ACAP2: variants seen among roughly 807,000 people sequenced by gnomAD.
ACAP2 encodes the protein arf-GAP with coiled-coil, ANK repeat and PH domain-containing protein 2.
In ACAP2, 39 loss-of-function variants were observed where a neutral mutation model predicts 115.8. The ratio of observed to expected loss-of-function variants is 0.34; its 90% CI spans 0.26 to 0.44. The LOEUF (loss-of-function observed/expected upper bound fraction) is 0.44, where lower values mean the gene tolerates loss of function less well. ACAP2 is among the 20% of genes least tolerant of loss of function. The probability of loss-of-function intolerance (pLI) is 1.00; values close to 1 mark genes in which losing one functional copy is unlikely to be tolerated. For synonymous variants in ACAP2, 289 were observed against 315.8 expected (o/e 0.92, Z 0.90); for missense variants, 662 against 927.6 (o/e 0.71, Z 3.72).
chr3:195,434,377 C>T (rs1023119101), intron 1 of ACAP2, among the ~76,000 whole-genome samples: 13 of 152,130 alleles, frequency 8.5e-5, no homozygotes, highest in Non-Finnish European at 1.5e-4. Context: ...GAACCACAGA[C>T]GCATGCTATC....
chr3:195,299,943 C>A (rs930365631), intron 15 of ACAP2, among the ~76,000 whole-genome samples: 4 of 148,148 alleles, frequency 2.7e-5, no homozygotes, highest in African/African-American at 1.0e-4. Context: ...GAAAAATATT[C>A]TTATAAAAAT....
intron 4 of ACAP2, among the ~76,000 whole-genome samples, chr3:195,362,499 C>T (rs1732439368): frequency 6.6e-6 from 1 of 151,846 alleles, no homozygotes; most frequent in South Asian, 2.1e-4. Context: ...ACCTTGATAC[C>T]AAAATCAGAC....
chr3:195,287,969 C>T lies in ACAP2; in HGVS notation c.2174+1152G>A, dbSNP rs1485588663. On this transcript the variant is annotated intron_variant, in intron 21 of 22. Transcript: ENST00000326793. ...ATACAAAATTAGCCAGGCGTGGTGG[C>T]GCATGTGTGTAATCCCAGCTACTCA... 5.9e-5 allele frequency among the ~76,000 whole-genome samples: 9 copies of T among 151,908 alleles called. No individual in the cohort carries two copies. In the East Asian group the frequency reaches 7.7e-4, roughly 13 times the overall value.
chr3:195,409,118 G>A (rs1713039393), intron 1 of ACAP2, among the ~76,000 whole-genome samples: 1 of 151,122 alleles, frequency 6.6e-6, no homozygotes, highest in South Asian at 2.1e-4. Flanking sequence ...AAAAAAAAAG[G>A]AATCAAATTG....
chr3:195,404,045 TAAG>T (rs1712533565), intron 1 of ACAP2, among the ~76,000 whole-genome samples: 1 of 152,096 alleles, frequency 6.6e-6, no homozygotes, highest in African/African-American at 2.4e-5. Flanking sequence ...ACTGATGACA[TAAG>T]AAGAAAACCA....
intron 2 of ACAP2, among the ~76,000 whole-genome samples, chr3:195,384,729 A>G (rs1734178639): frequency 6.6e-6 from 1 of 152,144 alleles, no homozygotes; most frequent in South Asian, 2.1e-4. Context: ...TGTCTCAAAA[A>G]AAAAAGAAAA....
At chr3:195,324,017 G>A (rs1729614924) in intron 9 of ACAP2, among the ~76,000 whole-genome samples, 1 of 151,946 alleles carries the variant, frequency 6.6e-6, no homozygotes, top group Non-Finnish European at 1.5e-5. Flanking sequence ...AATATTTCAT[G>A]TACCCCATAA....
intron 4 of ACAP2, 36 bp downstream of exon 4, chr3:195,380,973 A>G (rs749634811): frequency 6.6e-7 from 1 of 1,517,652 alleles, no homozygotes. Context: ...TAAAATGTTA[A>G]TATGGTCATA....
chr3:195,313,629 A>C (rs947879149), intron 10 of ACAP2, among the ~76,000 whole-genome samples: 4 of 152,224 alleles, frequency 2.6e-5, no homozygotes, highest in African/African-American at 9.6e-5. Flanking sequence ...AAACATTTAC[A>C]TCTATACCAG....
intron 13 of ACAP2, among the ~76,000 whole-genome samples, chr3:195,303,310 G>A (rs1312018263): frequency 1.3e-5 from 2 of 152,082 alleles, no homozygotes; most frequent in African/African-American, 2.4e-5. Context: ...TCAGAAGGCT[G>A]AGGCATGAGA....
At chr3:195,422,732 C>T (rs1489336443) in intron 1 of ACAP2, among the ~76,000 whole-genome samples, 1 of 152,102 alleles carries the variant, frequency 6.6e-6, no homozygotes, top group Non-Finnish European at 1.5e-5. Flanking sequence ...CTGAACATGT[C>T]ACATCTCTTT....
In ACAP2 at chr3:195,419,820, C is replaced by T. The variant is rs777019757; in HGVS notation, c.53+22975G>A. On this transcript the variant is annotated intron_variant, in intron 1 of 22. Transcript: ENST00000326793. ...CCCTTGATTTTAAATAACACCTTCACCATTCTCTAAAGTCTTACATACATC... is the reference window on the plus strand; with the variant it reads ...CCCTTGATTTTAAATAACACCTTCATCATTCTCTAAAGTCTTACATACATC... Among the ~76,000 whole-genome samples, 63 of 152,136 alleles carry T rather than the reference C, an allele frequency of 4.1e-4. 2 individuals carry two copies. The highest frequency in any genetic ancestry group is 6.2e-4 in the South Asian group (3 of 4,828).
chr3:195,388,193 A>G (rs1443675018), intron 2 of ACAP2, among the ~76,000 whole-genome samples: 3 of 152,220 alleles, frequency 2.0e-5, no homozygotes, highest in African/African-American at 7.2e-5. Flanking sequence ...CAAAATTACA[A>G]TACTATAACA....
intron 4 of ACAP2, chr3:195,355,993 A>T: frequency 2.4e-6 from 1 of 414,066 alleles, no homozygotes. Context: ...TCCCTGCAGG[A>T]ACACCAAATC....
intron 4 of ACAP2, among the ~76,000 whole-genome samples, chr3:195,354,591 T>C (rs1731831373): frequency 6.6e-6 from 1 of 152,226 alleles, no homozygotes; most frequent in South Asian, 2.1e-4. Context: ...ATCAGATGAA[T>C]AGTTTGCAAA....
intron 1 of ACAP2, among the ~76,000 whole-genome samples, chr3:195,433,281 C>T (rs1485885839): frequency 6.6e-6 from 1 of 152,064 alleles, no homozygotes; most frequent in Non-Finnish European, 1.5e-5. Flanking sequence ...TTTATTTGTA[C>T]TTTGTTATCG....
chr3:195,386,120 G>A (rs1023733700), intron 2 of ACAP2, among the ~76,000 whole-genome samples: 5 of 152,220 alleles, frequency 3.3e-5, no homozygotes, highest in African/African-American at 1.2e-4. Context: ...CATGCTAAGA[G>A]AAAGGAGCTA....
At chr3:195,412,933 C>A (rs1222489774) in intron 1 of ACAP2, 2 of 455,812 alleles carry the variant, frequency 4.4e-6, no homozygotes, top group Non-Finnish European at 8.8e-6. Context: ...GAAGGAAACA[C>A]AATTAGTAAA....
chr3:195,439,797 T>C (rs2108880501), intron 1 of ACAP2, among the ~76,000 whole-genome samples: 1 of 152,168 alleles, frequency 6.6e-6, no homozygotes, highest in African/African-American at 2.4e-5. Flanking sequence ...CGGCTAATTT[T>C]TGTATTTTTA....
Sources: allele counts gnomAD v4.1 joint callset (sites outside exome capture counted in the v4.1 genomes callset), GRCh38; gene constraint gnomAD v4.1.1; transcripts MANE v1.5; gene names NCBI Gene and HGNC (gene_info 2026-07-23, HGNC 2026-07-21).